The following DCC variants were observed in gnomAD, a reference collection of about 807,000 sequenced individuals.
DCC encodes the protein netrin receptor DCC.
A neutral mutation model predicts 172.5 loss-of-function variants in DCC; 58 were observed. The ratio of observed to expected loss-of-function variants is 0.34; its 90% CI spans 0.27 to 0.42. The LOEUF (loss-of-function observed/expected upper bound fraction) is 0.42, where lower values mean the gene tolerates loss of function less well. DCC is among the 10% of genes least tolerant of loss of function. DCC has a pLI of 1.00. For synonymous variants in DCC, 709 were observed against 644.5 expected, an observed-to-expected ratio of 1.10 and a Z score of -1.52; for missense variants, 1,740 against 1,791.0, an observed-to-expected ratio of 0.97 and a Z score of 0.51.
intron 27 of DCC, among the ~76,000 whole-genome samples, chr18:53,502,480 G>T (rs957404359): frequency 6.6e-6 from 1 of 152,174 alleles, no homozygotes; most frequent in Admixed American, 6.5e-5. Flanking sequence ...ACTGACAAAT[G>T]TATTAGCTGT....
chr18:53,312,107 A>T (rs939473406), intron 13 of DCC, among the ~76,000 whole-genome samples: 3 of 150,430 alleles, frequency 2.0e-5, no homozygotes, highest in African/African-American at 7.3e-5. Flanking sequence ...CAAGAGATCG[A>T]GACCATCCTG....
intron 5 of DCC, among the ~76,000 whole-genome samples, chr18:52,936,042 A>G (rs1012387978): frequency 3.3e-5 from 5 of 152,094 alleles, no homozygotes; most frequent in African/African-American, 1.2e-4. Context: ...AATCATACTG[A>G]AATGAGTTAA....
chr18:52,510,756 C>A (rs1271704604), intron 1 of DCC, among the ~76,000 whole-genome samples: 1 of 152,110 alleles, frequency 6.6e-6, no homozygotes, highest in East Asian at 1.9e-4. Context: ...CATCGGTCTT[C>A]CCTGGAACAC....
intron 1 of DCC, among the ~76,000 whole-genome samples, chr18:52,659,680 C>G (rs1209397056): frequency 2.6e-5 from 4 of 152,088 alleles, no homozygotes; most frequent in Admixed American, 1.3e-4. Flanking sequence ...TATGCTTTTA[C>G]TACAACTCAA....
intron 7 of DCC, among the ~76,000 whole-genome samples, chr18:53,133,052 T>C (rs2043682095): frequency 6.6e-6 from 1 of 152,214 alleles, no homozygotes; most frequent in African/African-American, 2.4e-5. Flanking sequence ...AGGCCTACTA[T>C]TAGGGAAGTA....
intron 7 of DCC, among the ~76,000 whole-genome samples, chr18:53,094,889 TAATA>T (rs2043063509): frequency 2.0e-5 from 3 of 152,336 alleles, no homozygotes; most frequent in Middle Eastern, 3.4e-3. Context: ...TAACTGGGTC[TAATA>T]AATAATAGAG....
chr18:52,723,912 C>T (rs1342373209), intron 1 of DCC, among the ~76,000 whole-genome samples: 1 of 152,140 alleles, frequency 6.6e-6, no homozygotes, highest in Non-Finnish European at 1.5e-5. Context: ...TACCTAACCC[C>T]ACCAGCTGTG....
chr18:53,369,753 G>C (rs1407921807), intron 15 of DCC, among the ~76,000 whole-genome samples: 1 of 151,680 alleles, frequency 6.6e-6, no homozygotes, highest in Non-Finnish European at 1.5e-5. Context: ...CACTTTATTA[G>C]TCTGGTGGAT....
At chr18:53,255,170 C>T (rs1043257586) in intron 12 of DCC, among the ~76,000 whole-genome samples, 1 of 151,682 alleles carries the variant, frequency 6.6e-6, no homozygotes, top group Non-Finnish European at 1.5e-5. Context: ...CCTTTCGGGC[C>T]CTTCTGTCCA....
intron 2 of DCC, among the ~76,000 whole-genome samples, chr18:52,818,663 G>A (rs904232236): frequency 3.3e-5 from 5 of 152,042 alleles, no homozygotes; most frequent in South Asian, 2.1e-4. Context: ...GTCACCAAAC[G>A]TTTTATTTAG....
At chr18:53,100,104 G>A (rs932832055) in intron 7 of DCC, among the ~76,000 whole-genome samples, 15 of 151,548 alleles carry the variant, frequency 9.9e-5, no homozygotes, top group African/African-American at 3.4e-4. Flanking sequence ...GCACCACCAC[G>A]CCTGGTTAAT....
At chr18:52,684,943 G>T (rs80032768) in intron 1 of DCC, among the ~76,000 whole-genome samples, 6,329 of 152,154 alleles carry the variant, frequency 0.042, 195 homozygotes, top group South Asian at 0.13. Flanking sequence ...CATTCAGGAT[G>T]AATCTGTTTC....
At chr18:52,402,383 C>A (rs138667612) in intron 1 of DCC, among the ~76,000 whole-genome samples, 42 of 152,004 alleles carry the variant, frequency 2.8e-4, no homozygotes, top group African/African-American at 9.4e-4. Flanking sequence ...CGCATGTTTT[C>A]AACTCCCTGA....
intron 5 of DCC, among the ~76,000 whole-genome samples, chr18:52,978,572 G>C (rs981225024): frequency 6.6e-6 from 1 of 152,124 alleles, no homozygotes; most frequent in Non-Finnish European, 1.5e-5. Flanking sequence ...TTTTATACAG[G>C]AGGAAACCAA....
At chr18:52,387,806 T>C (rs1425971553) in intron 1 of DCC, among the ~76,000 whole-genome samples, 2 of 152,110 alleles carry the variant, frequency 1.3e-5, no homozygotes, top group African/African-American at 4.8e-5. Flanking sequence ...TCTCATAGGT[T>C]ACATCCAAAA....
At chr18:52,632,297 T>G (rs2034692096) in intron 1 of DCC, among the ~76,000 whole-genome samples, 1 of 152,230 alleles carries the variant, frequency 6.6e-6, no homozygotes, top group South Asian at 2.1e-4. Flanking sequence ...ATGTCAATTT[T>G]TGCTCATTGT....
intron 1 of DCC, among the ~76,000 whole-genome samples, chr18:52,506,365 T>G (rs2031231088): frequency 6.6e-6 from 1 of 152,110 alleles, no homozygotes; most frequent in African/African-American, 2.4e-5. Context: ...AAGGTTGACC[T>G]GTGAAAACCC....
intron 1 of DCC, among the ~76,000 whole-genome samples, chr18:52,712,843 A>G (rs1419695736): frequency 6.6e-6 from 1 of 152,184 alleles, no homozygotes; most frequent in Non-Finnish European, 1.5e-5. Context: ...GATATGTTTA[A>G]AAGGGCTGAG....
At chr18:53,241,792 C>A (rs2056298641) in intron 12 of DCC, among the ~76,000 whole-genome samples, 1 of 152,094 alleles carries the variant, frequency 6.6e-6, no homozygotes, top group Admixed American at 6.6e-5. Context: ...AAGGCAGGTT[C>A]CCTCTGTGTG....
Sources: allele counts gnomAD v4.1 joint callset (sites outside exome capture counted in the v4.1 genomes callset), GRCh38; gene constraint gnomAD v4.1.1; transcripts MANE v1.5; gene names NCBI Gene and HGNC (gene_info 2026-07-23, HGNC 2026-07-21).